Variants in ZPBP observed in about 807,000 individuals in gnomAD.
The protein encoded by ZPBP is zona pellucida binding protein.
In ZPBP, 26 loss-of-function variants were observed where a neutral mutation model predicts 44.8. That is an observed-to-expected ratio of 0.58 (90% CI 0.43 to 0.81). ZPBP has a LOEUF of 0.81. Among genes scored for constraint, ZPBP ranks in the 30% least tolerant of loss-of-function variants. The pLI is 0.00. For synonymous variants in ZPBP, 174 were observed against 153.2 expected, an observed-to-expected ratio of 1.14 and a Z score of -1.00; for missense variants, 409 against 434.0, an observed-to-expected ratio of 0.94 and a Z score of 0.51.
At chr7:49,881,949 T>TTC (rs1791683793) in intron 2 of ZPBP, among the ~76,000 whole-genome samples, 1 of 152,122 alleles carries the variant, frequency 6.6e-6, no homozygotes, top group Non-Finnish European at 1.5e-5. Context: ...TTTTTAAATT[T>TTC]GTCTTGAAAA....
chr7:49,935,978 G>C (rs2128751448), downstream of ZPBP: 1 of 152,182 alleles, frequency 6.6e-6, no homozygotes. Flanking sequence ...AAAATGCATT[G>C]TAAGTTAAAT....
chr7:49,854,104 C>T (rs1483084845), intron 2 of ZPBP, among the ~76,000 whole-genome samples: 3 of 152,022 alleles, frequency 2.0e-5, no homozygotes, highest in Non-Finnish European at 2.9e-5. Context: ...TTTCTTAATC[C>T]AGTCTATCAT....
intron 1 of ZPBP, chr7:49,917,303 AC>A (rs1793774663): frequency 6.6e-6 from 1 of 152,180 alleles, no homozygotes; most frequent in Non-Finnish European, 1.5e-5. Flanking sequence ...TAGCCTTAAC[AC>A]AAAGATTTGG....
intron 1 of ZPBP, among the ~76,000 whole-genome samples, chr7:50,091,401 T>C (rs1802986442): frequency 6.6e-6 from 1 of 152,208 alleles, no homozygotes; most frequent in South Asian, 2.1e-4. Context: ...ATGAAATCTT[T>C]GCCTAAATGG....
At chr7:50,022,939 A>T (rs1429079480) in intron 5 of ZPBP, among the ~76,000 whole-genome samples, 1 of 152,046 alleles carries the variant, frequency 6.6e-6, no homozygotes, top group African/African-American at 2.4e-5. Context: ...GGGCTTCCAA[A>T]CTTCCCTGAG....
chr7:49,991,161 T>C (rs567969622), intron 6 of ZPBP, among the ~76,000 whole-genome samples: 1 of 152,242 alleles, frequency 6.6e-6, no homozygotes, highest in African/African-American at 2.4e-5. Flanking sequence ...AAAGGTGTCT[T>C]GAATGAACTG....
At chr7:49,984,802 T>C (rs1797181881) in intron 6 of ZPBP, among the ~76,000 whole-genome samples, 1 of 152,206 alleles carries the variant, frequency 6.6e-6, no homozygotes, top group Non-Finnish European at 1.5e-5. Context: ...TCTATTTAGA[T>C]TTGGGTTCCA....
intron 3 of ZPBP, among the ~76,000 whole-genome samples, chr7:50,059,147 G>A: frequency 6.6e-6 from 1 of 152,156 alleles, no homozygotes. Flanking sequence ...CATTAGAACT[G>A]AAAGTACTAC....
At chr7:49,892,211 A>AT (rs1460487254) in intron 2 of ZPBP, among the ~76,000 whole-genome samples, 16 of 150,340 alleles carry the variant, frequency 1.1e-4, no homozygotes, top group South Asian at 6.4e-4. Flanking sequence ...CGCCCGGCTA[A>AT]TTTTTTTTGT....
chr7:49,953,095 T>C (rs1218566893), intron 7 of ZPBP, among the ~76,000 whole-genome samples: 1 of 152,094 alleles, frequency 6.6e-6, no homozygotes, highest in Non-Finnish European at 1.5e-5. Context: ...CTAACTTCCA[T>C]AGCTTACTGT....
intron 7 of ZPBP, among the ~76,000 whole-genome samples, chr7:49,955,529 C>A (rs1795552320): frequency 6.6e-6 from 1 of 151,974 alleles, no homozygotes; most frequent in Non-Finnish European, 1.5e-5. Flanking sequence ...TGCACTCCAG[C>A]CTGGGCAAGA....
intron 7 of ZPBP, among the ~76,000 whole-genome samples, chr7:49,961,627 G>T (rs1016880163): frequency 6.6e-6 from 1 of 152,042 alleles, no homozygotes; most frequent in African/African-American, 2.4e-5. Flanking sequence ...ACAAGTTGTA[G>T]AAGTTACTTA....
chr7:49,851,625 C>G (rs568692909), intron 2 of ZPBP, among the ~76,000 whole-genome samples: 3 of 152,256 alleles, frequency 2.0e-5, no homozygotes, highest in Admixed American at 1.3e-4. Flanking sequence ...TTCGGGAGGC[C>G]GAGGCGGGTG....
chr7:49,992,466 T>C (rs1797615132), intron 6 of ZPBP, among the ~76,000 whole-genome samples: 1 of 152,070 alleles, frequency 6.6e-6, no homozygotes, highest in African/African-American at 2.4e-5. Context: ...AAAAATTAAA[T>C]GGACAGCTTT....
chr7:50,005,846 T>C (rs1490096817), intron 6 of ZPBP, among the ~76,000 whole-genome samples: 3 of 151,176 alleles, frequency 2.0e-5, no homozygotes, highest in African/African-American at 7.3e-5. Flanking sequence ...TGTGTGTGTG[T>C]GTGTGTGTGT....
intron 6 of ZPBP, among the ~76,000 whole-genome samples, chr7:50,006,206 A>G (rs1405517275): frequency 6.6e-6 from 1 of 151,932 alleles, no homozygotes; most frequent in Non-Finnish European, 1.5e-5. Flanking sequence ...ACTTTTAGTA[A>G]TGGACAGAAC....
At chr7:49,985,634 C>T (rs1024810517) in intron 6 of ZPBP, among the ~76,000 whole-genome samples, 2 of 90,382 alleles carry the variant, frequency 2.2e-5, no homozygotes, top group Non-Finnish European at 4.2e-5. Flanking sequence ...CTTCCTAATA[C>T]CCCATGCAAA....
intron 1 of ZPBP, among the ~76,000 whole-genome samples, chr7:50,090,976 T>A (rs1209013523): frequency 6.7e-6 from 1 of 149,792 alleles, no homozygotes; most frequent in Non-Finnish European, 1.5e-5. Context: ...CAACATCTAT[T>A]TTTTTTTTTA....
In ZPBP at chr7:50,018,229, A is replaced by G; in HGVS notation, c.783+11T>C. 6.2e-7 allele frequency: 1 copy of G among 1,609,138 alleles called. No individual in the cohort carries two copies. Among genetic ancestry groups the G allele is most frequent in the Non-Finnish European group, 8.5e-7 (1 of 1,177,308 alleles). On this transcript the variant is annotated intron_variant, in intron 6 of 7. Transcript: ENST00000046087. ...CTTTTTTTTTCCTTTTACCAGCCTC[A>G]CATAACATACCTTAAAAAGTCTTTT...
Sources: gnomAD v4.1 joint callset for allele counts (sites outside exome capture counted in the v4.1 genomes callset) on GRCh38, gnomAD v4.1.1 for gene constraint, MANE v1.5 for transcripts, NCBI Gene and HGNC (gene_info 2026-07-23, HGNC 2026-07-21) for gene names.